ZNF670: variants seen among roughly 807,000 people sequenced by gnomAD.
ZNF670 encodes zinc finger protein 670.
Under a neutral mutation model 10.9 loss-of-function variants are expected in ZNF670, and 7 were observed. The ratio of observed to expected loss-of-function variants is 0.64; its 90% CI spans 0.36 to 1.20. The LOEUF is 1.20. Among genes scored for constraint, ZNF670 ranks in the 50% most tolerant of loss-of-function variants. The pLI is 0.02. For missense variants in ZNF670, 446 were observed against 458.6 expected (o/e 0.97, Z 0.25); for synonymous variants, 136 against 152.7 (o/e 0.89, Z 0.81).
chr1:247,069,853 C>T (rs1001517744), intron 1 of ZNF670, among the ~76,000 whole-genome samples: 7 of 152,020 alleles, frequency 4.6e-5, no homozygotes, highest in Non-Finnish European at 8.8e-5. Context: ...GAAGTGTAGT[C>T]AGGGGGACTA....
intron 1 of ZNF670, among the ~76,000 whole-genome samples, chr1:247,061,507 T>A (rs1467144247): frequency 6.6e-6 from 1 of 152,036 alleles, no homozygotes; most frequent in Non-Finnish European, 1.5e-5. Context: ...GAAATAAGTC[T>A]AATAAATTAT....
intron 3 of ZNF670, 85 bp downstream of exon 3, chr1:247,038,725 T>C (rs906901189): frequency 2.7e-5 from 33 of 1,235,962 alleles, no homozygotes; most frequent in South Asian, 2.4e-4. Flanking sequence ...TTCTAGTGGT[T>C]CTTAGTTGTT....
At chr1:247,042,512 G>A (rs1195129247) in intron 1 of ZNF670, among the ~76,000 whole-genome samples, 2 of 152,210 alleles carry the variant, frequency 1.3e-5, no homozygotes, top group Admixed American at 6.5e-5. Flanking sequence ...CCAGGCCTGT[G>A]TTTTCTGTTG....
chr1:247,060,205 T>C (rs1670825764), intron 1 of ZNF670, among the ~76,000 whole-genome samples: 1 of 152,206 alleles, frequency 6.6e-6, no homozygotes, highest in Non-Finnish European at 1.5e-5. Flanking sequence ...ACAGAATTGA[T>C]ACCACCTGAC....
chr1:247,056,714 G>A (rs550878319), intron 1 of ZNF670, among the ~76,000 whole-genome samples: 34 of 152,236 alleles, frequency 2.2e-4, no homozygotes, highest in African/African-American at 7.9e-4. Context: ...AGTGAACTCA[G>A]TTTTGACAAA....
At position 247,034,810 on chromosome 1, in the gene ZNF670, G is replaced by A. The variant is rs954176742; in HGVS notation, c.*2639C>T. 3.3e-5 allele frequency among the ~76,000 whole-genome samples: 5 copies of A among 152,198 alleles called. No individual in the cohort carries two copies. The highest frequency in any genetic ancestry group is 9.7e-5 in the African/African-American group (4 of 41,442). On this transcript the variant is annotated 3_prime_UTR_variant, in exon 4 of 4. Coordinates refer to ENST00000366503, the MANE Select transcript of ZNF670 (RefSeq NM_033213.5). The stretch of plus-strand genomic sequence containing the variant: ...AAGCATCCAGTGATGGCAACCAAAC[G>A]AGATGCAGTTACCACAGAGCAGTAG...
At chr1:247,038,891 A>T (rs765102446) in intron 2 of ZNF670, 21 bp from the exon 3 acceptor site, 8 of 1,589,802 alleles carry the variant, frequency 5.0e-6, no homozygotes, top group Middle Eastern at 1.7e-4. Flanking sequence ...CAACCATAAG[A>T]TTATTCAAAT....
At chr1:247,067,420 A>C (rs1448398052) in intron 1 of ZNF670, among the ~76,000 whole-genome samples, 1 of 139,604 alleles carries the variant, frequency 7.2e-6, no homozygotes, top group African/African-American at 2.8e-5. Context: ...TGGGTGTGAG[A>C]GCAAGATCCC....
At chr1:247,074,277 G>A (rs1039617091) in intron 1 of ZNF670, among the ~76,000 whole-genome samples, 5 of 151,932 alleles carry the variant, frequency 3.3e-5, no homozygotes, top group African/African-American at 1.2e-4. Context: ...TCAGGCCCCT[G>A]AACTCTGATA....
chr1:247,037,792 G>T lies in ZNF670; in HGVS notation c.827C>A (p.Thr276Asn), dbSNP rs1374302355. The T allele has an allele frequency of 6.2e-7, 1 of 1,613,492 alleles. No homozygotes were observed. The highest frequency in any genetic ancestry group is 8.5e-7 in the Non-Finnish European group (1 of 1,179,852). The part of the protein sequence containing the change: ...TYLGIHERTH[T>N]GEKPYECIKC... ...TATACATTCATAGGGTTTTTCTCCA[G>T]TATGCGTTCTTTCATGTATTCCCAA... is the stretch of plus-strand genomic sequence containing the variant. The change falls in exon 4 of 4, where the codon ACT becomes AAT. Residue 276 changes from threonine to asparagine, a missense_variant. Transcript: ENST00000366503.
chr1:247,062,719 G>C (rs924007132), intron 1 of ZNF670, among the ~76,000 whole-genome samples: 1 of 152,178 alleles, frequency 6.6e-6, no homozygotes, highest in African/African-American at 2.4e-5. Flanking sequence ...ACGTCACTGG[G>C]GTGGGTTTCC....
At chr1:247,062,050 TG>T (rs1194684142) in intron 1 of ZNF670, among the ~76,000 whole-genome samples, 1 of 152,240 alleles carries the variant, frequency 6.6e-6, no homozygotes, top group Non-Finnish European at 1.5e-5. Context: ...TGCCGATGGT[TG>T]TCCCGTAGGA....
intron 1 of ZNF670, among the ~76,000 whole-genome samples, chr1:247,064,643 G>A (rs2103067908): frequency 6.6e-6 from 1 of 152,284 alleles, no homozygotes; most frequent in East Asian, 1.9e-4. Flanking sequence ...ATTGTCTAAT[G>A]GAGCCATCCT....
At position 247,072,825 on chromosome 1, in the gene ZNF670, T is replaced by TACAC. The variant is rs1553323571; in HGVS notation, c.3+5768_3+5769insGTGT. 3.7e-4 allele frequency among the ~76,000 whole-genome samples: 34 copies of TACAC among 92,846 alleles called. 1 individual carries two copies. The highest frequency in any genetic ancestry group is 9.1e-4 in the South Asian group (2 of 2,202). 60.9% of individuals were successfully genotyped at this position (92,846 alleles called of 152,430 possible). A position where few individuals can be genotyped will look rare whatever the true frequency, so the allele number is the denominator to read the frequency against. ...GTGTGTATATATATATATATATATA[T>TACAC]ATATATATATATATGCATACACACA... On this transcript the variant is annotated intron_variant, in intron 1 of 3. Coordinates refer to ENST00000366503, the MANE Select transcript of ZNF670 (RefSeq NM_033213.5).
intron 1 of ZNF670, among the ~76,000 whole-genome samples, chr1:247,058,148 A>G (rs1670764063): frequency 6.6e-6 from 1 of 152,214 alleles, no homozygotes; most frequent in African/African-American, 2.4e-5. Flanking sequence ...TAAAAACTAA[A>G]ACAAAATAAA....
chr1:247,056,780 A>G (rs747960281), intron 1 of ZNF670, among the ~76,000 whole-genome samples: 10 of 152,208 alleles, frequency 6.6e-5, no homozygotes, highest in Admixed American at 6.5e-4. Flanking sequence ...TGGTGCTGGA[A>G]AAACTGGATA....
intron 1 of ZNF670, among the ~76,000 whole-genome samples, chr1:247,063,561 C>A (rs1056251639): frequency 7.6e-4 from 91 of 120,202 alleles, no homozygotes; most frequent in Non-Finnish European, 1.1e-3. Flanking sequence ...CCAGCCTGGG[C>A]GACAGAGCGA....
intron 1 of ZNF670, among the ~76,000 whole-genome samples, chr1:247,063,242 G>A (rs772879599): frequency 1.3e-5 from 2 of 152,120 alleles, no homozygotes; most frequent in Non-Finnish European, 1.5e-5. Flanking sequence ...TAATATTGTC[G>A]TGAACTAGAG....
chr1:247,038,769 T>A, intron 3 of ZNF670, 41 bp downstream of exon 3: 1 of 1,525,498 alleles, frequency 6.6e-7, no homozygotes, highest in Non-Finnish European at 9.0e-7. Context: ...CATGCTAAGA[T>A]TCCCTCAAGG....
Sources: allele counts gnomAD v4.1 joint callset (sites outside exome capture counted in the v4.1 genomes callset), GRCh38; gene constraint gnomAD v4.1.1; transcripts MANE v1.5; gene names NCBI Gene and HGNC (gene_info 2026-07-23, HGNC 2026-07-21).